Variants in INKA2 observed in about 807,000 individuals in gnomAD.
The protein encoded by INKA2 is PAK4-inhibitor INKA2.
INKA2 carries 3 observed loss-of-function variants against 9.8 expected under a neutral mutation model. That is an observed-to-expected ratio of 0.31 (90% CI 0.14 to 0.79). The LOEUF (loss-of-function observed/expected upper bound fraction) is 0.79. Ranked by LOEUF, INKA2 falls within the 30% of genes least tolerant of loss-of-function variation. The pLI, the probability that INKA2 is intolerant of heterozygous loss-of-function variation, is 0.62. For synonymous variants in INKA2, 147 were observed against 143.3 expected, an observed-to-expected ratio of 1.03 and a Z score of -0.18; for missense variants, 392 against 384.4, an observed-to-expected ratio of 1.02 and a Z score of -0.17.
chr1:111,743,830 G>A (rs1663201717), upstream of INKA2, among the ~76,000 whole-genome samples: 2 of 152,188 alleles, frequency 1.3e-5, no homozygotes, highest in Admixed American at 6.5e-5. Context: ...CCTTGCCCCC[G>A]ACTGTGGCTG....
At chr1:111,740,642 C>G (rs34709799), upstream of INKA2, among the ~76,000 whole-genome samples, 6,110 of 152,322 alleles carry the variant, frequency 0.04, 151 homozygotes, top group East Asian at 0.073. Context: ...CCGGCGCCGC[C>G]ATCGGTCCGT....
intron 1 of INKA2, chr1:111,754,254 A>G (rs1663476023): frequency 6.6e-6 from 1 of 152,178 alleles, no homozygotes; most frequent in African/African-American, 2.4e-5. Flanking sequence ...GAAGGCTGGG[A>G]CCTTTAGTGC....
At chr1:111,755,547 G>A (rs958452761) in intron 1 of INKA2, 7 of 798,572 alleles carry the variant, frequency 8.8e-6, no homozygotes, top group Non-Finnish European at 1.4e-5. Flanking sequence ...CGAGACGGGG[G>A]CGTGACGCAC....
rs1553232613 is a variant in INKA2, at chr1:111,745,265, T to TTTTATATATATATA, written n.124+10435_124+10436insTATATATATATAAA. The TTTTATATATATATA allele has an allele frequency of 5.7e-3, 257 of 45,094 alleles. 19 individuals are homozygous for TTTTATATATATATA. The highest frequency in any genetic ancestry group is 0.04 in the Middle Eastern group (2 of 50). 2.8% of individuals were successfully genotyped at this position (45,094 alleles called of 1,614,324 possible). Reference sequence around the variant, plus strand: ...ACACACACACACACACACAGAGATATTATATATATATATATATATATATAT... The same window carrying TTTTATATATATATA: ...ACACACACACACACACACAGAGATATTTTATATATATATATATATATATATATATATATATATAT... On this transcript the variant is annotated intron_variant and non_coding_transcript_variant, in intron 1 of 1. Coordinates refer to the INKA2 transcript ENST00000444059.
At chr1:111,729,959 C>T (rs1341001451) in intron 1 of INKA2, among the ~76,000 whole-genome samples, 1 of 152,248 alleles carries the variant, frequency 6.6e-6, no homozygotes, top group Non-Finnish European at 1.5e-5. Flanking sequence ...TGCCCACGCT[C>T]TGTGCACTTT....
At chr1:111,739,964 C>G (rs879627704), upstream of INKA2, 1 of 152,278 alleles carries the variant, frequency 6.6e-6, no homozygotes, top group Non-Finnish European at 1.5e-5. Flanking sequence ...ACAAAGCCGC[C>G]GAGGGTCGGC....
chr1:111,749,441 TGTGTGC>T (rs762669386), intron 1 of INKA2, among the ~76,000 whole-genome samples: 4 of 142,900 alleles, frequency 2.8e-5, no homozygotes, highest in African/African-American at 8.0e-5. Flanking sequence ...TGTGTGTGTG[TGTGTGC>T]GCGCGCGCGC....
intron 1 of INKA2, among the ~76,000 whole-genome samples, chr1:111,736,639 T>C (rs1663013661): frequency 6.6e-6 from 1 of 152,216 alleles, no homozygotes; most frequent in African/African-American, 2.4e-5. Context: ...AAACACAAAC[T>C]AAGGGCAGCG....
chr1:111,733,758 G>C (rs1662957837), intron 1 of INKA2, among the ~76,000 whole-genome samples: 1 of 152,170 alleles, frequency 6.6e-6, no homozygotes, highest in Non-Finnish European at 1.5e-5. Context: ...GAGGAGCAGG[G>C]ATGGGAAAAT....
chr1:111,753,299 G>T (rs1043587895), intron 1 of INKA2: 4 of 152,216 alleles, frequency 2.6e-5, no homozygotes, highest in Admixed American at 6.5e-5. Context: ...TATCCCGGGG[G>T]AGGCTGGGAG....
upstream of INKA2, chr1:111,739,422 G>T: frequency 6.8e-7 from 1 of 1,463,090 alleles, no homozygotes; most frequent in Non-Finnish European, 9.0e-7. Context: ...GCCGCGCGCG[G>T]TCGGTGCTGG....
upstream of INKA2, among the ~76,000 whole-genome samples, chr1:111,742,921 G>C (rs1447531687): frequency 1.3e-5 from 2 of 152,162 alleles, no homozygotes; most frequent in African/African-American, 4.8e-5. Context: ...TACCCCAGGA[G>C]TGTGTGTGTG....
chr1:111,749,613 C>T (rs1360494114), intron 1 of INKA2, among the ~76,000 whole-genome samples: 1 of 152,198 alleles, frequency 6.6e-6, no homozygotes, highest in Non-Finnish European at 1.5e-5. Flanking sequence ...AGAGAAGAGA[C>T]AAAGGCCTCT....
At chr1:111,744,889 T>A (rs1663227210) in intron 1 of INKA2, among the ~76,000 whole-genome samples, 1 of 152,150 alleles carries the variant, frequency 6.6e-6, no homozygotes, top group Admixed American at 6.5e-5. Context: ...TACTTCTTTA[T>A]AAAGTCACTG....
intron 1 of INKA2, among the ~76,000 whole-genome samples, chr1:111,749,458 G>A (rs192000656): frequency 2.0e-3 from 308 of 151,850 alleles, no homozygotes; most frequent in Non-Finnish European, 3.7e-3. Context: ...GCGCGCGCGC[G>A]TGCTAGGGAG....
rs573218436 is a variant in INKA2, at chr1:111,744,923, T to G, written n.124+10778A>C. ...TGGGCTTCAAGATCAGGCTATCAGT[T>G]ACAGAGTTGCTGAAACTTTTTAGAG... On this transcript the variant is annotated intron_variant and non_coding_transcript_variant, in intron 1 of 1. Transcript: ENST00000444059. 3.3e-5 allele frequency among the ~76,000 whole-genome samples: 5 copies of G among 152,218 alleles called. No individual in the cohort carries two copies. The South Asian group carries it at 1.0e-3, about 32-fold the overall frequency.
chr1:111,726,299 G>A lies in INKA2; in HGVS notation c.*669C>T, dbSNP rs1022364496. 2.6e-6 allele frequency: 1 copy of A among 377,848 alleles called. No individual in the cohort carries two copies. The highest frequency in any genetic ancestry group is 1.5e-4 in the South Asian group (1 of 6,816). The allele number at this position is 377,848 out of a possible 1,614,324, so 23.4% of individuals were successfully genotyped here. Reference sequence around the variant, plus strand: ...TTCCCCTGTGCATGGGGGAGACGCGGGGAGTGTCTAGGGCTTCCCTGGCTG... The same window carrying A: ...TTCCCCTGTGCATGGGGGAGACGCGAGGAGTGTCTAGGGCTTCCCTGGCTG... On this transcript the variant is annotated 3_prime_UTR_variant, in exon 2 of 2. Transcript: ENST00000357260.
At chr1:111,734,424 T>C (rs1166322309) in intron 1 of INKA2, among the ~76,000 whole-genome samples, 1 of 152,158 alleles carries the variant, frequency 6.6e-6, no homozygotes, top group African/African-American at 2.4e-5. Context: ...GGTTCAGGCC[T>C]TCAGTGTCTC....
rs1436215725 is a variant in INKA2 at position 111,739,214 on chromosome 1, C to T, written c.29G>A (p.Cys10Tyr). MTMESREMD[C>Y]YLRRLKQELM... is the part of the protein sequence containing the mutation. ...CTCCTGTTTGAGGCGACGGAGATAG[C>T]AGTCCATTTCCCTGCTCTCCATCGT... Residue 10 changes from cysteine to tyrosine, a missense_variant, in exon 1 of 2, where the codon TGC becomes TAC. Transcript: ENST00000357260. 1 of 1,613,684 alleles carries T rather than the reference C, an allele frequency of 6.2e-7. No homozygotes were observed. The highest frequency in any genetic ancestry group is 2.2e-5 in the East Asian group (1 of 44,860).
Sources: gnomAD v4.1 joint callset for allele counts (sites outside exome capture counted in the v4.1 genomes callset) on GRCh38, gnomAD v4.1.1 for gene constraint, MANE v1.5 for transcripts, NCBI Gene and HGNC (gene_info 2026-07-23, HGNC 2026-07-21) for gene names.